Variants in MCC observed in about 807,000 individuals in gnomAD.
MCC encodes the protein colorectal mutant cancer protein.
MCC carries 90 observed loss-of-function variants against 116.2 expected under a neutral mutation model. That is an observed-to-expected ratio of 0.77 (90% CI 0.65 to 0.92). MCC has a LOEUF of 0.92. Among genes scored for constraint, MCC ranks in the 40% least tolerant of loss-of-function variants. The pLI is 0.00. For synonymous variants in MCC, 578 were observed against 510.5 expected, an observed-to-expected ratio of 1.13 and a Z score of -1.78; for missense variants, 1,516 against 1,312.2, an observed-to-expected ratio of 1.16 and a Z score of -2.40.
rs1464819738 is a variant in MCC at position 113,023,564 on chromosome 5, G to T, written c.*3738C>A. On this transcript the variant is annotated 3_prime_UTR_variant, in exon 19 of 19. Transcript: ENST00000408903. ...CAGTGCAGAAATCTCAACCATTACA[G>T]AAGTCTCTTACTATTTTGGCTCTCA... 6.6e-6 allele frequency: 1 copy of T among 152,218 alleles called. No homozygotes were observed. The highest frequency in any genetic ancestry group is 2.4e-5 in the African/African-American group (1 of 41,462). 9.4% of individuals were successfully genotyped at this position (152,218 alleles called of 1,614,324 possible).
intron 3 of MCC, among the ~76,000 whole-genome samples, chr5:113,179,274 C>G (rs1293867676): frequency 6.6e-6 from 1 of 152,162 alleles, no homozygotes; most frequent in East Asian, 1.9e-4. Flanking sequence ...TTAAGTAGGG[C>G]AAGTGTTTTA....
chr5:113,116,552 T>G (rs530331633), intron 6 of MCC, among the ~76,000 whole-genome samples: 12 of 152,322 alleles, frequency 7.9e-5, no homozygotes, highest in Non-Finnish European at 1.8e-4. Flanking sequence ...TCCCAAGAAT[T>G]GTGGGAGCTC....
Position 113,091,193 on chromosome 5 carries a change from C to T in MCC, c.1399-5883G>A, listed in dbSNP as rs572648401. Among the ~76,000 whole-genome samples the T allele has an allele frequency of 2.2e-4, 33 of 152,320 alleles. No homozygotes were observed. In the South Asian group the frequency reaches 6.6e-3, roughly 31 times the overall value. On this transcript the variant is annotated intron_variant, in intron 8 of 18. Transcript: ENST00000408903. ...CAGTGGCACCTTTGGGTGTGAGGTC[C>T]AAATTTATACTATCTGCATACTGTG...
At position 113,434,151 on chromosome 5, in the gene MCC, T is replaced by A. The variant is rs1424085044; in HGVS notation, c.171-48939A>T. The stretch of plus-strand genomic sequence containing the variant: ...GGAGCGTGGGAAGTTGACGCGGTGC[T>A]CCTTCTGGATACGCAGCATCTTCTT... On this transcript the variant is annotated intron_variant, in intron 1 of 18. Transcript: ENST00000408903. The surrounding 1 kb of genome is among the most constrained non-coding windows in gnomAD (Gnocchi z 4.2). 1.9e-6 allele frequency: 3 copies of A among 1,614,044 alleles called. No individual in the cohort carries two copies. In the African/African-American group the frequency reaches 4.0e-5, roughly 22 times the overall value.
At chr5:113,254,883 C>A (rs974741125) in intron 3 of MCC, among the ~76,000 whole-genome samples, 4 of 152,240 alleles carry the variant, frequency 2.6e-5, no homozygotes, top group Non-Finnish European at 5.9e-5. Flanking sequence ...TAAGATGTAC[C>A]TTAAAAACAT....
At chr5:113,142,985 C>T (rs777993836) in intron 5 of MCC, among the ~76,000 whole-genome samples, 8 of 152,192 alleles carry the variant, frequency 5.3e-5, no homozygotes, top group Non-Finnish European at 1.2e-4. Context: ...TCCAGGGCTA[C>T]TGTAAGGACC....
In MCC at chr5:113,066,849, G is replaced by A. The variant is rs1753638948; in HGVS notation, c.2029+1231C>T. On this transcript the variant is annotated intron_variant, in intron 13 of 18. Transcript: ENST00000408903. ...AGGCCTGGCTACCACACATGGGAAT[G>A]CCTGGCCTGCCCACACCATCCATCT... is the stretch of plus-strand genomic sequence containing the variant. Among the ~76,000 whole-genome samples, 5 of 152,338 alleles carry A rather than the reference G, an allele frequency of 3.3e-5. 1 individual carries two copies. In the South Asian group the frequency reaches 1.0e-3, roughly 32 times the overall value.
At chr5:113,441,590 T>C (rs931724104) in intron 1 of MCC, among the ~76,000 whole-genome samples, 4 of 152,108 alleles carry the variant, frequency 2.6e-5, no homozygotes, top group African/African-American at 9.7e-5. Context: ...GCCATGGTGG[T>C]TTGCTGCACC....
chr5:113,402,395 G>T (rs1392277872), intron 1 of MCC, among the ~76,000 whole-genome samples: 1 of 151,532 alleles, frequency 6.6e-6, no homozygotes, highest in African/African-American at 2.4e-5. Flanking sequence ...CTGGCCTCAA[G>T]TGATCCTCTC....
chr5:113,369,549 T>C (rs1768788162), intron 2 of MCC, among the ~76,000 whole-genome samples: 1 of 152,218 alleles, frequency 6.6e-6, no homozygotes, highest in South Asian at 2.1e-4. Flanking sequence ...GCAGAGTCTC[T>C]GTTCCCTTTA....
At chr5:113,156,212 G>C (rs1008817130) in intron 3 of MCC, among the ~76,000 whole-genome samples, 1 of 152,062 alleles carries the variant, frequency 6.6e-6, no homozygotes, top group African/African-American at 2.4e-5. Flanking sequence ...ATGAAGTTGA[G>C]AGTTTCTGGC....
At chr5:113,062,463 C>T (rs1580961006) in intron 14 of MCC, among the ~76,000 whole-genome samples, 1 of 152,274 alleles carries the variant, frequency 6.6e-6, no homozygotes, top group African/African-American at 2.4e-5. Flanking sequence ...GCAAATGATC[C>T]GTAGCACAAA....
rs146592140 is a variant in MCC at position 113,163,155 on chromosome 5, C to T, written c.628-11733G>A. 4.5e-3 allele frequency among the ~76,000 whole-genome samples: 679 copies of T among 152,226 alleles called. 6 individuals are homozygous for T. The highest frequency in any genetic ancestry group is 0.015 in the African/African-American group (607 of 41,516). On this transcript the variant is annotated intron_variant, in intron 3 of 18. Coordinates refer to ENST00000408903, the MANE Select transcript of MCC (RefSeq NM_001085377.2). The stretch of plus-strand genomic sequence containing the variant: ...GTCCTCATATCATTCAGGTAAGAGA[C>T]AGTCAAGAACCAAGCGGGACATACA...
At chr5:113,094,935 A>G (rs1755915494) in intron 8 of MCC, among the ~76,000 whole-genome samples, 1 of 152,112 alleles carries the variant, frequency 6.6e-6, no homozygotes. Flanking sequence ...GTGTCCATGG[A>G]AGAGGTCAAA....
chr5:113,215,648 C>A (rs1763287376), intron 3 of MCC, among the ~76,000 whole-genome samples: 1 of 152,202 alleles, frequency 6.6e-6, no homozygotes, highest in South Asian at 2.1e-4. Flanking sequence ...CCAATGGATG[C>A]AGCATCCAAG....
At chr5:113,225,353 G>A (rs1763694465) in intron 3 of MCC, among the ~76,000 whole-genome samples, 1 of 152,096 alleles carries the variant, frequency 6.6e-6, no homozygotes, top group Admixed American at 6.5e-5. Flanking sequence ...CTTGAATTCT[G>A]CCACCATTTA....
chr5:113,346,633 C>CA lies in MCC; in HGVS notation c.416-5904dup, dbSNP rs201595859. On this transcript the variant is annotated intron_variant, in intron 2 of 18. Transcript: ENST00000408903. ...AAACAAACAACAACAACAACAACAA[C>CA]AAAAAAAACAACAAAAAGTTTATTG... is the stretch of plus-strand genomic sequence containing the variant. 3.5e-4 allele frequency among the ~76,000 whole-genome samples: 31 copies of CA among 89,584 alleles called. No homozygotes were observed. In the East Asian group the frequency reaches 3.5e-3, roughly 10 times the overall value. The allele number at this position is 89,584 out of a possible 152,430, so 58.8% of individuals were successfully genotyped here. A position where few individuals can be genotyped will look rare whatever the true frequency, so the allele number is the denominator to read the frequency against.
chr5:113,488,213 T>A (rs530855326), intron 1 of MCC, 32 bp downstream of exon 1: 1 of 1,580,334 alleles, frequency 6.3e-7, no homozygotes, highest in East Asian at 2.6e-5. Context: ...CTGATCTCGC[T>A]CCTGTCGGTT....
rs960999779 is a variant in MCC at position 113,023,006 on chromosome 5, A to T, written c.*4296T>A. On this transcript the variant is annotated 3_prime_UTR_variant, in exon 19 of 19. Transcript: ENST00000408903. ...TGTCTTTCTCTACACAGGTATTAGC[A>T]AAACAAGAATACATGAACAGCTGCT... is the stretch of plus-strand genomic sequence containing the variant. The T allele has an allele frequency of 3.3e-5, 5 of 152,260 alleles. No individual in the cohort carries two copies. Among genetic ancestry groups the T allele is most frequent in the African/African-American group, 1.2e-4 (5 of 41,468 alleles). The allele number at this position is 152,260 out of a possible 1,614,324, so 9.4% of individuals were successfully genotyped here.
Sources: allele counts gnomAD v4.1 joint callset (sites outside exome capture counted in the v4.1 genomes callset), GRCh38; gene constraint gnomAD v4.1.1; non-coding constraint Gnocchi (gnomAD v3.1); transcripts MANE v1.5; gene names NCBI Gene and HGNC (gene_info 2026-07-23, HGNC 2026-07-21).